Variants in GTF2F2 observed in about 807,000 individuals in gnomAD.
GTF2F2 encodes general transcription factor IIF subunit 2.
Under a neutral mutation model 42.2 loss-of-function variants are expected in GTF2F2, and 23 were observed. The observed-to-expected ratio is 0.55, with a 90% CI of 0.39 to 0.77. The LOEUF is 0.77. GTF2F2 is among the 30% of genes least tolerant of loss of function. The probability of loss-of-function intolerance (pLI) is 0.00; values close to 1 mark genes in which losing one functional copy is unlikely to be tolerated. For missense variants in GTF2F2, 261 were observed against 287.2 expected, an observed-to-expected ratio of 0.91 and a Z score of 0.66; for synonymous variants, 105 against 100.8, an observed-to-expected ratio of 1.04 and a Z score of -0.25.
chr13:45,183,471 C>T (rs946755918), intron 4 of GTF2F2, among the ~76,000 whole-genome samples: 3 of 152,038 alleles, frequency 2.0e-5, no homozygotes, highest in Non-Finnish European at 2.9e-5. Context: ...GGAAGCAAGA[C>T]GGGGAAGGTA....
intron 5 of GTF2F2, among the ~76,000 whole-genome samples, chr13:45,223,262 T>TAAAAA (rs60690884): frequency 3.5e-3 from 337 of 95,646 alleles, no homozygotes; most frequent in Non-Finnish European, 4.8e-3. Flanking sequence ...CTTGTCTCAA[T>TAAAAA]AAAAAAAAAA....
intron 2 of GTF2F2, among the ~76,000 whole-genome samples, chr13:45,144,408 A>G (rs1377997915): frequency 2.0e-5 from 3 of 148,486 alleles, no homozygotes; most frequent in Non-Finnish European, 3.0e-5. Flanking sequence ...TACTAATAAT[A>G]TGGCTTCTCC....
At chr13:45,123,915 T>A (rs1868826506) in intron 1 of GTF2F2, 1 of 420,326 alleles carries the variant, frequency 2.4e-6, no homozygotes. Flanking sequence ...GGGGAGAGTC[T>A]TAGTGTGGTT....
At chr13:45,170,327 T>G (rs1871530750) in intron 4 of GTF2F2, among the ~76,000 whole-genome samples, 3 of 152,266 alleles carry the variant, frequency 2.0e-5, no homozygotes, top group South Asian at 2.1e-4. Flanking sequence ...TGGTTATCTT[T>G]GTAACACGCA....
chr13:45,259,001 A>G (rs1010626285), intron 6 of GTF2F2, among the ~76,000 whole-genome samples: 2 of 152,030 alleles, frequency 1.3e-5, no homozygotes, highest in Non-Finnish European at 1.5e-5. Flanking sequence ...GCATTCTTTT[A>G]TGTATTTCAT....
chr13:45,211,341 A>G (rs934953614), intron 5 of GTF2F2, among the ~76,000 whole-genome samples: 14 of 151,128 alleles, frequency 9.3e-5, no homozygotes, highest in African/African-American at 3.2e-4. Flanking sequence ...ATTACCCAAC[A>G]TTATCACTAA....
In GTF2F2 at chr13:45,225,611, C is replaced by CAA. The variant is rs35637992; in HGVS notation, c.386+18125_386+18126dup. Among the ~76,000 whole-genome samples, 307 of 65,510 alleles carry CAA rather than the reference C, an allele frequency of 4.7e-3. 3 individuals carry two copies. The highest frequency in any genetic ancestry group is 0.025 in the East Asian group (68 of 2,746). 43.0% of individuals were successfully genotyped at this position (65,510 alleles called of 152,430 possible). A position where few individuals can be genotyped will look rare whatever the true frequency, so the allele number is the denominator to read the frequency against. ...GTGCAACAGGAGTGAAGCTCTGTCT[C>CAA]AAAAAAAAAAAAAAAAAAAAGAATA... On this transcript the variant is annotated intron_variant, in intron 5 of 7. Coordinates refer to ENST00000340473, the MANE Select transcript of GTF2F2 (RefSeq NM_004128.3).
chr13:45,194,245 T>C, intron 4 of GTF2F2: 1 of 1,614,158 alleles, frequency 6.2e-7, no homozygotes, highest in East Asian at 2.2e-5. Context: ...TGCAAGAAGT[T>C]GATTTTCTCG....
At chr13:45,212,446 T>TTCTTTCTTTTC (rs1566137016) in intron 5 of GTF2F2, among the ~76,000 whole-genome samples, 35 of 36,144 alleles carry the variant, frequency 9.7e-4, no homozygotes, top group Admixed American at 1.5e-3. Context: ...CTTTCTTTCT[T>TTCTTTCTTTTC]GTTTCTTTCT....
intron 6 of GTF2F2, among the ~76,000 whole-genome samples, chr13:45,261,539 A>C (rs778344055): frequency 6.6e-6 from 1 of 152,064 alleles, no homozygotes; most frequent in Admixed American, 6.6e-5. Flanking sequence ...CTGAATTGAC[A>C]TTTATTTCTA....
intron 6 of GTF2F2, among the ~76,000 whole-genome samples, chr13:45,262,071 CAA>C (rs201205731): frequency 1.3e-5 from 2 of 148,150 alleles, no homozygotes; most frequent in African/African-American, 4.9e-5. Context: ...TAGACATTAT[CAA>C]AAAAAAAAAT....
chr13:45,164,648 T>C (rs1226731007), intron 4 of GTF2F2, among the ~76,000 whole-genome samples: 1 of 147,440 alleles, frequency 6.8e-6, no homozygotes, highest in Non-Finnish European at 1.5e-5. Context: ...CACCTGTGCC[T>C]GGGATGTTGA....
chr13:45,180,873 G>A (rs1872119052), intron 4 of GTF2F2, among the ~76,000 whole-genome samples: 2 of 151,964 alleles, frequency 1.3e-5, no homozygotes, highest in South Asian at 2.1e-4. Context: ...ATCAAAAAAC[G>A]AAAGTGATCT....
chr13:45,216,766 G>C (rs541097778), intron 5 of GTF2F2, among the ~76,000 whole-genome samples: 1 of 151,708 alleles, frequency 6.6e-6, no homozygotes, highest in African/African-American at 2.4e-5. Flanking sequence ...TGATCCACCC[G>C]CTTCAGCCTC....
intron 7 of GTF2F2, among the ~76,000 whole-genome samples, chr13:45,278,007 A>G (rs756966899): frequency 7.2e-5 from 11 of 152,248 alleles, no homozygotes; most frequent in Non-Finnish European, 1.5e-4. Context: ...TTTAATGAAC[A>G]TCTACAAATT....
chr13:45,249,613 A>G (rs1875790351), intron 5 of GTF2F2, among the ~76,000 whole-genome samples: 1 of 152,232 alleles, frequency 6.6e-6, no homozygotes, highest in Non-Finnish European at 1.5e-5. Flanking sequence ...AAACAAACTG[A>G]AACCCTGAGG....
At chr13:45,277,174 T>C (rs1877072578) in intron 7 of GTF2F2, among the ~76,000 whole-genome samples, 1 of 152,210 alleles carries the variant, frequency 6.6e-6, no homozygotes, top group South Asian at 2.1e-4. Context: ...GGAAAATGTC[T>C]GTTGCATTTT....
chr13:45,166,283 A>G (rs1871294676), intron 4 of GTF2F2, among the ~76,000 whole-genome samples: 1 of 152,140 alleles, frequency 6.6e-6, no homozygotes, highest in South Asian at 2.1e-4. Context: ...CCTTTTAAAT[A>G]CATTCTGTTT....
chr13:45,167,943 G>A (rs1871376725), intron 4 of GTF2F2, among the ~76,000 whole-genome samples: 2 of 152,164 alleles, frequency 1.3e-5, no homozygotes, highest in African/African-American at 4.8e-5. Context: ...GGAAAAAAAA[G>A]TACACCACCC....
Sources: gnomAD v4.1 joint callset for allele counts (sites outside exome capture counted in the v4.1 genomes callset) on GRCh38, gnomAD v4.1.1 for gene constraint, MANE v1.5 for transcripts, NCBI Gene and HGNC (gene_info 2026-07-23, HGNC 2026-07-21) for gene names.